The following PPARGC1B variants were observed in gnomAD, a reference collection of about 807,000 sequenced individuals.
The protein encoded by PPARGC1B is peroxisome proliferator-activated receptor gamma coactivator 1-beta.
Under a neutral mutation model 101.6 loss-of-function variants are expected in PPARGC1B, and 34 were observed. That is an observed-to-expected ratio of 0.33 (90% confidence interval 0.25 to 0.45). The LOEUF (loss-of-function observed/expected upper bound fraction) is 0.45, where lower values mean the gene tolerates loss of function less well. Among genes scored for constraint, PPARGC1B ranks in the 20% least tolerant of loss-of-function variants. The probability of loss-of-function intolerance (pLI) is 1.00; values close to 1 mark genes in which losing one functional copy is unlikely to be tolerated. For missense variants in PPARGC1B, 1,234 were observed against 1,317.6 expected, an observed-to-expected ratio of 0.94 and a Z score of 0.98; for synonymous variants, 548 against 539.3, an observed-to-expected ratio of 1.02 and a Z score of -0.22.
rs1397351517 is a variant in PPARGC1B, at chr5:149,851,930, G to C, written c.*4372G>C. 2.6e-5 allele frequency: 4 copies of C among 152,208 alleles called. No homozygotes were observed. Among genetic ancestry groups the C allele is most frequent in the Non-Finnish European group, 5.9e-5 (4 of 68,060 alleles). The allele number at this position is 152,208 out of a possible 1,614,324, so 9.4% of individuals were successfully genotyped here. A position where few individuals can be genotyped will look rare whatever the true frequency, so the allele number is the denominator to read the frequency against. Reference sequence around the variant, plus strand: ...GAGAAAACCCCAACACTTCAGCCTGGGTCCGTGTTTCTACACTGGAAAATA... The same window carrying C: ...GAGAAAACCCCAACACTTCAGCCTGCGTCCGTGTTTCTACACTGGAAAATA... On this transcript the variant is annotated 3_prime_UTR_variant, in exon 12 of 12. Transcript: ENST00000309241.
At chr5:149,811,107 A>G (rs1162573980) in intron 1 of PPARGC1B, among the ~76,000 whole-genome samples, 1 of 152,204 alleles carries the variant, frequency 6.6e-6, no homozygotes, top group Non-Finnish European at 1.5e-5. Flanking sequence ...GCGAAGCCAT[A>G]TGACATGTAT....
At chr5:149,811,863 G>A (rs1337757905) in intron 1 of PPARGC1B, among the ~76,000 whole-genome samples, 1 of 152,230 alleles carries the variant, frequency 6.6e-6, no homozygotes, top group Non-Finnish European at 1.5e-5. Context: ...TGCCTACCAG[G>A]CAGAGCTGCC....
chr5:149,758,409 T>A (rs1056070264), intron 1 of PPARGC1B, among the ~76,000 whole-genome samples: 2 of 152,258 alleles, frequency 1.3e-5, no homozygotes, highest in African/African-American at 4.8e-5. Flanking sequence ...CTCCATTCTC[T>A]TAGAGCTTAG....
intron 11 of PPARGC1B, chr5:149,847,176 T>A: frequency 1.8e-6 from 1 of 544,194 alleles, no homozygotes; most frequent in South Asian, 2.0e-5. Flanking sequence ...GGAAGTAGAG[T>A]TGTAGGGTGT....
In PPARGC1B at chr5:149,833,492, G is replaced by C. The variant is rs756958769; in HGVS notation, c.1419G>C (p.Val473=). Reference sequence around the variant, plus strand: ...TGGGGAGGAAGCTGGAGAGCTCTGTGTGCCCCGTGCGGCGTTCTCGGAGAC... The same window carrying C: ...TGGGGAGGAAGCTGGAGAGCTCTGTCTGCCCCGTGCGGCGTTCTCGGAGAC... The part of the protein sequence containing the change: ...TKLGRKLESS[V]CPVRRSRRLN... Residue 473 remains valine, a synonymous_variant, in exon 5 of 12, where the codon GTG becomes GTC. Coordinates refer to ENST00000309241, the MANE Select transcript of PPARGC1B (RefSeq NM_133263.4). The surrounding 1 kb of genome is among the most constrained non-coding windows in gnomAD (Gnocchi z 4.1). 3 of 1,565,040 alleles carry C rather than the reference G, an allele frequency of 1.9e-6. No homozygotes were observed. Among genetic ancestry groups the C allele is most frequent in the Non-Finnish European group, 2.6e-6 (3 of 1,154,574 alleles).
chr5:149,813,622 C>T (rs1757941048), intron 1 of PPARGC1B, among the ~76,000 whole-genome samples: 1 of 152,182 alleles, frequency 6.6e-6, no homozygotes, highest in African/African-American at 2.4e-5. Context: ...GGAATGCTGA[C>T]CACTGGCCAT....
intron 1 of PPARGC1B, among the ~76,000 whole-genome samples, chr5:149,756,828 C>G (rs1267872864): frequency 6.6e-6 from 1 of 152,144 alleles, no homozygotes; most frequent in East Asian, 1.9e-4. Context: ...GGTTCCTTGA[C>G]TAGGGGTGTG....
Position 149,833,244 on chromosome 5 carries a change from G to A in PPARGC1B, c.1171G>A (p.Val391Met), listed in dbSNP as rs773687355. Residue 391 changes from valine to methionine, a missense_variant, in exon 5 of 12, where the codon GTG (valine) becomes ATG (methionine). Physicochemically the swap from Val to Met is conservative, Grantham distance 21 (BLOSUM62 1). Transcript: ENST00000309241. The surrounding 1 kb of genome is among the most constrained non-coding windows in gnomAD (Gnocchi z 4.1). Reference protein sequence around the residue: ...SQASPGRPSSVEEVRIAASPK... With the variant: ...SQASPGRPSSMEEVRIAASPK... ...GGCCTCCCCTGGTCGCCCGTCCTCG[G>A]TGGAGGAGGTAAGGATCGCAGCTTC... The A allele has an allele frequency of 6.2e-7, 1 of 1,613,250 alleles. No homozygotes were observed. Among genetic ancestry groups the A allele is most frequent in the African/African-American group, 1.3e-5 (1 of 74,948 alleles).
intron 2 of PPARGC1B, among the ~76,000 whole-genome samples, chr5:149,824,487 G>A (rs898027158): frequency 6.6e-6 from 1 of 152,164 alleles, no homozygotes; most frequent in African/African-American, 2.4e-5. Context: ...TGGCCTTCTG[G>A]GAGCCCAGGG....
At chr5:149,810,837 C>T (rs1204224251) in intron 1 of PPARGC1B, among the ~76,000 whole-genome samples, 1 of 151,958 alleles carries the variant, frequency 6.6e-6, no homozygotes, top group Non-Finnish European at 1.5e-5. Flanking sequence ...TCTTAATTTG[C>T]AAATTGAGAG....
chr5:149,751,552 A>G (rs1184008092), intron 1 of PPARGC1B, among the ~76,000 whole-genome samples: 2 of 152,066 alleles, frequency 1.3e-5, no homozygotes, highest in Non-Finnish European at 2.9e-5. Context: ...CTAAAAATAC[A>G]AAAATTAACC....
chr5:149,823,801 C>T (rs1008721416), intron 2 of PPARGC1B, among the ~76,000 whole-genome samples: 2 of 152,126 alleles, frequency 1.3e-5, no homozygotes, highest in African/African-American at 4.8e-5. Context: ...AAGGAGAAGA[C>T]TTTTGGTTTT....
intron 1 of PPARGC1B, among the ~76,000 whole-genome samples, chr5:149,810,685 C>G (rs75548653): frequency 0.046 from 7,031 of 152,226 alleles, 308 homozygotes; most frequent in Admixed American, 0.14. Flanking sequence ...GGTGGATGGG[C>G]CACAGATGTT....
chr5:149,791,661 A>G (rs927842267), intron 1 of PPARGC1B, among the ~76,000 whole-genome samples: 3 of 152,054 alleles, frequency 2.0e-5, no homozygotes, highest in African/African-American at 7.3e-5. Context: ...ATTGGTGCTG[A>G]GAGGGAATTT....
At chr5:149,827,746 A>G (rs1758587972) in intron 3 of PPARGC1B, among the ~76,000 whole-genome samples, 2 of 152,226 alleles carry the variant, frequency 1.3e-5, no homozygotes, top group African/African-American at 4.8e-5. Flanking sequence ...AAATGTGCAC[A>G]TGGAATAGCA....
chr5:149,735,131 G>A (rs972581649), intron 1 of PPARGC1B, among the ~76,000 whole-genome samples: 1 of 152,198 alleles, frequency 6.6e-6, no homozygotes, highest in African/African-American at 2.4e-5. Flanking sequence ...TTCTTTATCT[G>A]TGTGAGACTT....
intron 1 of PPARGC1B, among the ~76,000 whole-genome samples, chr5:149,805,029 C>T (rs774897768): frequency 3.9e-5 from 6 of 152,174 alleles, no homozygotes; most frequent in Non-Finnish European, 7.3e-5. Context: ...GCCTCCAGCT[C>T]GCTGGGCATG....
chr5:149,758,064 A>G (rs1425066817), intron 1 of PPARGC1B, among the ~76,000 whole-genome samples: 2 of 152,116 alleles, frequency 1.3e-5, no homozygotes, highest in Non-Finnish European at 2.9e-5. Flanking sequence ...ACCCCTGCCC[A>G]CCTCCAAACC....
Position 149,833,338 on chromosome 5 carries a change from G to T in PPARGC1B, c.1265G>T (p.Arg422Leu). Residue 422 changes from arginine to leucine, a missense_variant, in exon 5 of 12, where the codon CGG (arginine) becomes CTG (leucine). Arg to Leu is a moderately radical substitution (Grantham distance 102). Coordinates refer to ENST00000309241, the MANE Select transcript of PPARGC1B (RefSeq NM_133263.4). This position sits in a 1 kb window ranked among gnomAD's most constrained non-coding sequence, Gnocchi z 4.1. ...LRLEVKREVR[R>L]PARLQQQEEE... The stretch of plus-strand genomic sequence containing the variant: ...CTGGAGGTGAAAAGGGAGGTCCGCC[G>T]GCCTGCCAGACTGCAGCAGCAGGAG... 1.2e-6 allele frequency: 2 copies of T among 1,613,420 alleles called. No homozygotes were observed. Among genetic ancestry groups the T allele is most frequent in the Non-Finnish European group, 1.7e-6 (2 of 1,180,008 alleles).
Sources: gnomAD v4.1 joint callset for allele counts (sites outside exome capture counted in the v4.1 genomes callset) on GRCh38, gnomAD v4.1.1 for gene constraint, Gnocchi (gnomAD v3.1) non-coding constraint, MANE v1.5 for transcripts, NCBI Gene and HGNC (gene_info 2026-07-23, HGNC 2026-07-21) for gene names.